The following CBFA2T2 variants were observed in gnomAD, a reference collection of about 807,000 sequenced individuals.
The protein encoded by CBFA2T2 is CBFA2/RUNX1 partner transcriptional co-repressor 2, also known as protein CBFA2T2.
A neutral mutation model predicts 62.2 loss-of-function variants in CBFA2T2; 11 were observed. The ratio of observed to expected loss-of-function variants is 0.18; its 90% CI spans 0.11 to 0.29. The LOEUF is 0.29. CBFA2T2 is among the 10% of genes least tolerant of loss of function. CBFA2T2 has a pLI of 1.00. For missense variants in CBFA2T2, 592 were observed against 774.1 expected, an observed-to-expected ratio of 0.76 and a Z score of 2.79; for synonymous variants, 295 against 287.5, an observed-to-expected ratio of 1.03 and a Z score of -0.27.
intron 1 of CBFA2T2, among the ~76,000 whole-genome samples, chr20:33,570,575 C>G (rs2013520016): frequency 6.6e-6 from 1 of 152,106 alleles, no homozygotes; most frequent in South Asian, 2.1e-4. Context: ...AAGTTTGGAG[C>G]TAGTACATGT....
chr20:33,520,865 C>T (rs1002327707), intron 1 of CBFA2T2, among the ~76,000 whole-genome samples: 2 of 151,542 alleles, frequency 1.3e-5, no homozygotes, highest in African/African-American at 2.4e-5. Flanking sequence ...TGAGTGTTTT[C>T]GTTTATTTGT....
intron 1 of CBFA2T2, among the ~76,000 whole-genome samples, chr20:33,505,533 C>T (rs910103474): frequency 5.3e-5 from 8 of 151,736 alleles, no homozygotes; most frequent in Non-Finnish European, 7.4e-5. Context: ...CCTGTAATCC[C>T]AGCACTTAGG....
intron 6 of CBFA2T2, among the ~76,000 whole-genome samples, chr20:33,626,390 G>A (rs1490492152): frequency 6.6e-6 from 1 of 152,224 alleles, no homozygotes; most frequent in African/African-American, 2.4e-5. Flanking sequence ...CAGGCAAGTT[G>A]CTTGGGCTCT....
intron 1 of CBFA2T2, among the ~76,000 whole-genome samples, chr20:33,493,155 A>C (rs572045007): frequency 7.0e-6 from 1 of 142,092 alleles, no homozygotes; most frequent in Non-Finnish European, 1.5e-5. Flanking sequence ...GGCTCACTGC[A>C]ACCTCCGCCT....
At chr20:33,585,928 G>A (rs150619109) in intron 1 of CBFA2T2, among the ~76,000 whole-genome samples, 14 of 152,276 alleles carry the variant, frequency 9.2e-5, no homozygotes, top group Admixed American at 4.6e-4. Flanking sequence ...AACCTTAGCC[G>A]TGGTAAATTG....
chr20:33,503,991 C>T (rs892755957), intron 1 of CBFA2T2, among the ~76,000 whole-genome samples: 1 of 152,258 alleles, frequency 6.6e-6, no homozygotes, highest in African/African-American at 2.4e-5. Flanking sequence ...AGTTTTCTCA[C>T]ACCCCTTTCT....
At chr20:33,494,303 A>T (rs2011177073) in intron 1 of CBFA2T2, among the ~76,000 whole-genome samples, 1 of 13,124 alleles carries the variant, frequency 7.6e-5, no homozygotes, top group Non-Finnish European at 1.3e-4. Flanking sequence ...TTTTTTTGAG[A>T]CAGAGTCTCG....
At chr20:33,545,023 A>AACAGAACAGAACAGAACAGAACAGAAC (rs2012511122) in intron 1 of CBFA2T2, among the ~76,000 whole-genome samples, 1 of 151,038 alleles carries the variant, frequency 6.6e-6, no homozygotes, top group African/African-American at 2.4e-5. Flanking sequence ...AACAGAACAG[A>AACAGAACAGAACAGAACAGAACAGAAC]ATGCAAGGTA....
At chr20:33,597,465 T>C (rs563212173) in intron 1 of CBFA2T2, among the ~76,000 whole-genome samples, 2 of 152,170 alleles carry the variant, frequency 1.3e-5, no homozygotes, top group Non-Finnish European at 2.9e-5. Flanking sequence ...TGTGACCTGT[T>C]AGGAACCGTG....
At chr20:33,611,412 T>A in intron 3 of CBFA2T2, 77 bp downstream of exon 3, 1 of 1,549,516 alleles carries the variant, frequency 6.5e-7, no homozygotes, top group Non-Finnish European at 8.8e-7. Context: ...TTCTAGATAT[T>A]TCTGCTCATT....
chr20:33,635,505 T>G (rs1249046684), intron 8 of CBFA2T2, among the ~76,000 whole-genome samples: 1 of 152,198 alleles, frequency 6.6e-6, no homozygotes, highest in Admixed American at 6.5e-5. Context: ...TTGCTAGAGA[T>G]TTCCTTAAGT....
chr20:33,553,781 T>A lies in CBFA2T2; in HGVS notation c.35-53175T>A, dbSNP rs182603980. Among the ~76,000 whole-genome samples the A allele has an allele frequency of 2.0e-5, 3 of 152,346 alleles. No individual in the cohort carries two copies. The East Asian group carries it at 5.8e-4, about 29-fold the overall frequency. Reference sequence around the variant, plus strand: ...GGACTTGAAAGCCCTTGTTATGCAATCTTGCAAATCCCCTCTTAGGGTTTT... The same window carrying A: ...GGACTTGAAAGCCCTTGTTATGCAAACTTGCAAATCCCCTCTTAGGGTTTT... On this transcript the variant is annotated intron_variant, in intron 1 of 10. Coordinates refer to ENST00000342704, the MANE Select transcript of CBFA2T2 (RefSeq NM_001032999.3).
chr20:33,584,270 CT>C (rs567328176), intron 1 of CBFA2T2, among the ~76,000 whole-genome samples: 156 of 129,240 alleles, frequency 1.2e-3, no homozygotes, highest in Admixed American at 1.4e-3. Flanking sequence ...TTTTTTTTTT[CT>C]TTTTTTTTTT....
Position 33,629,832 on chromosome 20 carries a change from T to C in CBFA2T2, c.1146T>C (p.Asn382=). 3.7e-6 allele frequency: 6 copies of C among 1,614,014 alleles called. No homozygotes were observed. Among genetic ancestry groups the C allele is most frequent in the Non-Finnish European group, 5.1e-6 (6 of 1,180,006 alleles). Residue 382 remains asparagine, a synonymous_variant, in exon 8 of 11, where the codon AAT becomes AAC. Coordinates refer to ENST00000342704, the MANE Select transcript of CBFA2T2 (RefSeq NM_001032999.3). The part of the protein sequence containing the change: ...EELNYWKRRY[N]ENTELRKTGT... Reference sequence around the variant, plus strand: ...TCAACTACTGGAAAAGACGGTACAATGAAAACACAGAGCTGAGGAAAACGG... The same window carrying C: ...TCAACTACTGGAAAAGACGGTACAACGAAAACACAGAGCTGAGGAAAACGG...
intron 1 of CBFA2T2, among the ~76,000 whole-genome samples, chr20:33,538,000 T>TA (rs78359687): frequency 0.028 from 3,934 of 141,104 alleles, 145 homozygotes; most frequent in African/African-American, 0.086. Context: ...CTCAATTTCT[T>TA]AAAAAAAAAA....
chr20:33,517,710 C>T (rs749209434), intron 1 of CBFA2T2, among the ~76,000 whole-genome samples: 5 of 146,150 alleles, frequency 3.4e-5, no homozygotes, highest in East Asian at 4.0e-4. Flanking sequence ...TTTTTGAAGA[C>T]GGAGACTTGC....
chr20:33,544,228 G>A (rs552405713), intron 1 of CBFA2T2, among the ~76,000 whole-genome samples: 1 of 152,234 alleles, frequency 6.6e-6, no homozygotes, highest in East Asian at 1.9e-4. Flanking sequence ...TGACCTCTCA[G>A]CTCATATCCT....
chr20:33,642,134 G>A (rs1343897488), intron 10 of CBFA2T2, among the ~76,000 whole-genome samples: 1 of 148,294 alleles, frequency 6.7e-6, no homozygotes, highest in Non-Finnish European at 1.5e-5. Flanking sequence ...GTGTGTGTGT[G>A]TGTGTGTGTG....
At chr20:33,535,421 C>T (rs1042803341) in intron 1 of CBFA2T2, among the ~76,000 whole-genome samples, 2 of 149,486 alleles carry the variant, frequency 1.3e-5, no homozygotes, top group African/African-American at 5.0e-5. Context: ...TAAGACAGGT[C>T]CCCATGGTCC....
Sources: allele counts gnomAD v4.1 joint callset (sites outside exome capture counted in the v4.1 genomes callset), GRCh38; gene constraint gnomAD v4.1.1; transcripts MANE v1.5; gene names NCBI Gene and HGNC (gene_info 2026-07-23, HGNC 2026-07-21).